OPCML: variants seen among roughly 807,000 people sequenced by gnomAD.
OPCML encodes the protein opioid-binding protein/cell adhesion molecule.
In OPCML, 13 loss-of-function variants were observed where a neutral mutation model predicts 37.8. The observed-to-expected ratio is 0.34, with a 90% CI of 0.22 to 0.55. The LOEUF (loss-of-function observed/expected upper bound fraction) is 0.55. OPCML is among the 20% of genes least tolerant of loss of function. The pLI is 0.91. For missense variants in OPCML, 341 were observed against 435.6 expected (o/e 0.78, Z 1.93); for synonymous variants, 176 against 168.8 (o/e 1.04, Z -0.33).
intron 4 of OPCML, among the ~76,000 whole-genome samples, chr11:132,451,857 TATC>T (rs1358179162): frequency 6.6e-6 from 1 of 152,190 alleles, no homozygotes; most frequent in Non-Finnish European, 1.5e-5. Context: ...TAAAAACTGT[TATC>T]AACGCAGTAA....
intron 3 of OPCML, among the ~76,000 whole-genome samples, chr11:132,584,405 T>C (rs1028288891): frequency 2.0e-5 from 3 of 152,232 alleles, no homozygotes; most frequent in Non-Finnish European, 4.4e-5. Flanking sequence ...AGACCTAATA[T>C]GTTTATTTGA....
At chr11:132,628,087 A>C (rs893014968) in intron 3 of OPCML, among the ~76,000 whole-genome samples, 1 of 152,138 alleles carries the variant, frequency 6.6e-6, no homozygotes, top group Middle Eastern at 3.2e-3. Flanking sequence ...CAGTGTTTAA[A>C]GATTAGACTG....
chr11:133,418,144 A>G, intron 1 of OPCML: 1 of 985,404 alleles, frequency 1.0e-6, no homozygotes, highest in Non-Finnish European at 1.2e-6. Flanking sequence ...AGCAGGAAAC[A>G]ATCAAGAAAG....
intron 2 of OPCML, among the ~76,000 whole-genome samples, chr11:132,680,984 G>A (rs892374596): frequency 1.3e-5 from 2 of 152,230 alleles, no homozygotes; most frequent in Admixed American, 6.5e-5. Flanking sequence ...AAGCTGCTGA[G>A]TAATCTCCCA....
intron 1 of OPCML, among the ~76,000 whole-genome samples, chr11:133,156,962 C>G (rs1950070827): frequency 6.6e-6 from 1 of 152,160 alleles, no homozygotes; most frequent in Non-Finnish European, 1.5e-5. Context: ...CTCACAGCAG[C>G]CTGTTCCCTG....
intron 3 of OPCML, among the ~76,000 whole-genome samples, chr11:132,556,977 GT>G (rs2096397105): frequency 6.6e-6 from 1 of 152,108 alleles, no homozygotes; most frequent in Non-Finnish European, 1.5e-5. Context: ...CAAAATATGT[GT>G]GTACTTAGGC....
At chr11:132,516,631 G>T (rs1026497696) in intron 4 of OPCML, among the ~76,000 whole-genome samples, 1 of 152,098 alleles carries the variant, frequency 6.6e-6, no homozygotes, top group Non-Finnish European at 1.5e-5. Flanking sequence ...CCCAAGGAAA[G>T]GTTAGTGAAT....
chr11:132,545,997 C>T (rs1382377994), intron 3 of OPCML, among the ~76,000 whole-genome samples: 2 of 152,188 alleles, frequency 1.3e-5, no homozygotes, highest in Non-Finnish European at 2.9e-5. Flanking sequence ...TCATGAGGGT[C>T]TTACCATTGT....
chr11:132,768,569 C>G (rs1214446282), intron 2 of OPCML, among the ~76,000 whole-genome samples: 2 of 152,186 alleles, frequency 1.3e-5, no homozygotes, highest in Non-Finnish European at 2.9e-5. Flanking sequence ...ATGTGTGTAG[C>G]TATCATTTAC....
intron 3 of OPCML, among the ~76,000 whole-genome samples, chr11:132,599,845 C>A (rs1324624340): frequency 6.6e-6 from 1 of 152,032 alleles, no homozygotes; most frequent in Admixed American, 6.6e-5. Flanking sequence ...GAAATTGAGC[C>A]ATAGTATATG....
chr11:132,607,712 A>C (rs1473970525), intron 3 of OPCML, among the ~76,000 whole-genome samples: 6 of 152,194 alleles, frequency 3.9e-5, no homozygotes, highest in Non-Finnish European at 8.8e-5. Context: ...AATTTGTCTC[A>C]TCTAAGTTTC....
At chr11:132,693,337 A>T (rs1943478650) in intron 2 of OPCML, among the ~76,000 whole-genome samples, 3 of 152,204 alleles carry the variant, frequency 2.0e-5, no homozygotes, top group Admixed American at 6.5e-5. Context: ...AATACATTGC[A>T]GCTAACTTTG....
At chr11:132,965,174 C>A (rs762026172) in intron 1 of OPCML, among the ~76,000 whole-genome samples, 15 of 152,194 alleles carry the variant, frequency 9.9e-5, no homozygotes, top group Non-Finnish European at 1.6e-4. Flanking sequence ...GAAGTTTATT[C>A]GTCCTCGCCA....
intron 2 of OPCML, among the ~76,000 whole-genome samples, chr11:132,806,079 G>T (rs1282698902): frequency 6.6e-6 from 1 of 152,048 alleles, no homozygotes; most frequent in Non-Finnish European, 1.5e-5. Flanking sequence ...TAGCCATAGA[G>T]AAACCATATA....
intron 2 of OPCML, among the ~76,000 whole-genome samples, chr11:132,729,163 T>C (rs954168207): frequency 6.6e-6 from 1 of 152,164 alleles, no homozygotes; most frequent in Non-Finnish European, 1.5e-5. Flanking sequence ...AAATGAACTT[T>C]CTGTGGACTC....
At chr11:133,097,353 G>A (rs571365627) in intron 1 of OPCML, among the ~76,000 whole-genome samples, 27 of 152,216 alleles carry the variant, frequency 1.8e-4, no homozygotes, top group Non-Finnish European at 3.2e-4. Context: ...TGAAATAAAC[G>A]AAAATGGAAC....
chr11:133,023,397 C>A (rs757830479), intron 1 of OPCML, among the ~76,000 whole-genome samples: 7 of 151,968 alleles, frequency 4.6e-5, no homozygotes, highest in Non-Finnish European at 1.0e-4. Context: ...TCACGATGCT[C>A]GGGGATGAAA....
chr11:133,324,695 T>C (rs1486380528), intron 1 of OPCML, among the ~76,000 whole-genome samples: 1 of 152,176 alleles, frequency 6.6e-6, no homozygotes, highest in Non-Finnish European at 1.5e-5. Context: ...AGGGCTAAAT[T>C]GTCACCAATC....
chr11:132,972,708 T>C (rs1946371094), intron 1 of OPCML, among the ~76,000 whole-genome samples: 1 of 152,316 alleles, frequency 6.6e-6, no homozygotes, highest in Middle Eastern at 3.4e-3. Flanking sequence ...GCAAGGACCG[T>C]CAGCCTGACA....
Sources: allele counts gnomAD v4.1 joint callset (sites outside exome capture counted in the v4.1 genomes callset), GRCh38; gene constraint gnomAD v4.1.1; transcripts MANE v1.5; gene names NCBI Gene and HGNC (gene_info 2026-07-23, HGNC 2026-07-21).